ANKRD30A: variants seen among roughly 807,000 people sequenced by gnomAD.
The protein encoded by ANKRD30A is ankyrin repeat domain-containing protein 30A.
A neutral mutation model predicts 166.3 loss-of-function variants in ANKRD30A; 170 were observed. That is an observed-to-expected ratio of 1.02 (90% CI 0.90 to 1.16). ANKRD30A has a LOEUF of 1.16. Ranked by LOEUF, ANKRD30A falls within the 50% of genes most tolerant of loss-of-function variation. The pLI is 0.00. For missense variants in ANKRD30A, 1,630 were observed against 1,518.0 expected (o/e 1.07, Z -1.23); for synonymous variants, 564 against 508.9 (o/e 1.11, Z -1.46).
At chr10:37,191,351 G>A (rs1419577568) in intron 25 of ANKRD30A, among the ~76,000 whole-genome samples, 1 of 151,914 alleles carries the variant, frequency 6.6e-6, no homozygotes, top group Non-Finnish European at 1.5e-5. Context: ...TTTTTCTGAT[G>A]AGATGTCAAT....
chr10:37,165,042 T>G (rs374690824), intron 17 of ANKRD30A, 52 bp from the exon 18 acceptor site: 8 of 1,551,156 alleles, frequency 5.2e-6, no homozygotes, highest in East Asian at 4.5e-5. Context: ...GTTTTTAAAA[T>G]TTTTAGTAGA....
intron 34 of ANKRD30A, among the ~76,000 whole-genome samples, chr10:37,223,176 A>T (rs1381277711): frequency 6.6e-6 from 1 of 151,286 alleles, no homozygotes; most frequent in Middle Eastern, 3.2e-3. Flanking sequence ...TAGAATAGGG[A>T]TTTTCAACCC....
At chr10:37,191,003 A>C (rs1215459525) in intron 25 of ANKRD30A, among the ~76,000 whole-genome samples, 1 of 151,914 alleles carries the variant, frequency 6.6e-6, no homozygotes, top group African/African-American at 2.4e-5. Flanking sequence ...TAATTTTAAA[A>C]ACCATAAAAC....
chr10:37,179,051 TATATATATATATA>T (rs1839981610), intron 24 of ANKRD30A, among the ~76,000 whole-genome samples: 35 of 140,864 alleles, frequency 2.5e-4, no homozygotes, highest in African/African-American at 9.4e-4. Flanking sequence ...TATATATATA[TATATATATATATA>T]GATGTGTGCA....
intron 18 of ANKRD30A, among the ~76,000 whole-genome samples, chr10:37,166,261 G>T (rs1389115598): frequency 6.6e-6 from 1 of 152,152 alleles, no homozygotes; most frequent in Non-Finnish European, 1.5e-5. Context: ...TGTTTGAAAT[G>T]TCTTATTTAT....
chr10:37,210,112 C>G (rs944867996), intron 31 of ANKRD30A, among the ~76,000 whole-genome samples: 3 of 152,014 alleles, frequency 2.0e-5, no homozygotes, highest in Admixed American at 6.6e-5. Flanking sequence ...ACCCCTCCCC[C>G]AGCCCCTCAT....
intron 24 of ANKRD30A, among the ~76,000 whole-genome samples, chr10:37,179,309 G>T (rs1167839997): frequency 1.3e-5 from 2 of 150,792 alleles, no homozygotes; most frequent in Non-Finnish European, 3.0e-5. Flanking sequence ...TTTTAACGTA[G>T]AAAATGTTAT....
downstream of ANKRD30A, among the ~76,000 whole-genome samples, chr10:37,236,350 C>T (rs1843675067): frequency 6.6e-6 from 1 of 152,154 alleles, no homozygotes; most frequent in African/African-American, 2.4e-5. Flanking sequence ...AGCTTCTGAA[C>T]ATTTCTTCTC....
the ANKRD30A span, among the ~76,000 whole-genome samples, chr10:37,244,741 C>A: frequency 1.3e-5 from 2 of 152,186 alleles, no homozygotes; most frequent in South Asian, 4.1e-4. Flanking sequence ...CTAGGCTGTC[C>A]TTCTCCATCT....
Position 37,158,558 on chromosome 10 carries a change from A to C in ANKRD30A, c.1872A>C (p.Glu624Asp). Residue 624 changes from glutamate to aspartate, a missense_variant, in exon 15 of 36, where the codon GAA (glutamate) becomes GAC (aspartate). This residue lies in a region of ANKRD30A where 904 missense variants were observed against 818.5 expected (regional missense o/e 1.10). Transcript: ENST00000361713. ...TTTCTATTCCAACTAAAGCCTTAGA[A>C]TTGAAGGACATGCAAACTTTCAAAG... Reference protein sequence around the residue: ...MKVSIPTKALELKDMQTFKAE... With the variant: ...MKVSIPTKALDLKDMQTFKAE... 6.2e-7 allele frequency: 1 copy of C among 1,613,446 alleles called. No individual in the cohort carries two copies. Among genetic ancestry groups the C allele is most frequent in the South Asian group, 1.1e-5 (1 of 90,872 alleles).
At position 37,165,139 on chromosome 10, in the gene ANKRD30A, A is replaced by T. The variant is rs538552925; in HGVS notation, c.2048A>T (p.Asn683Ile). Residue 683 changes from asparagine (N) to isoleucine (I), a missense_variant, in exon 18 of 36, where the codon AAT (asparagine) becomes ATT (isoleucine). This residue lies in a region of ANKRD30A where 904 missense variants were observed against 818.5 expected (regional missense o/e 1.10). Coordinates refer to ENST00000361713, the MANE Select transcript of ANKRD30A (RefSeq NM_052997.3). ...SESKQKDYEENSWDTESLCET... is the reference protein window; with the variant it reads ...SESKQKDYEEISWDTESLCET... ...TCCAAACAAAAGGACTATGAAGAAA[A>T]TTCTTGGGATACTGAGGTACTGTGT... 1.2e-6 allele frequency: 2 copies of T among 1,606,780 alleles called. No homozygotes were observed. The highest frequency in any genetic ancestry group is 1.1e-5 in the South Asian group (1 of 90,952).
chr10:37,160,259 A>G (rs1364691332), intron 15 of ANKRD30A, among the ~76,000 whole-genome samples: 2 of 152,206 alleles, frequency 1.3e-5, no homozygotes, highest in African/African-American at 4.8e-5. Flanking sequence ...ACTGTTAGAA[A>G]TTAAAATGAA....
intron 34 of ANKRD30A, among the ~76,000 whole-genome samples, chr10:37,225,034 TA>T (rs1843080446): frequency 6.6e-6 from 1 of 151,500 alleles, no homozygotes; most frequent in South Asian, 2.1e-4. Flanking sequence ...TCGTATTTAA[TA>T]ATACGCTAGT....
At chr10:37,229,208 A>G (rs922412440) in intron 34 of ANKRD30A, among the ~76,000 whole-genome samples, 3 of 152,020 alleles carry the variant, frequency 2.0e-5, no homozygotes, top group African/African-American at 7.2e-5. Context: ...ACATTAGTTT[A>G]GAAAAGGCTC....
At chr10:37,226,425 G>T (rs1364239550) in intron 34 of ANKRD30A, among the ~76,000 whole-genome samples, 2 of 151,288 alleles carry the variant, frequency 1.3e-5, no homozygotes, top group African/African-American at 4.9e-5. Flanking sequence ...ATGGCAAATT[G>T]GATAAAGAGT....
In ANKRD30A at chr10:37,197,428, G is replaced by A. The variant is rs766046581; in HGVS notation, c.2664G>A (p.Lys888=). ...SAFEPAIEMQ[K]SVPNKALELK... ...TTTAGCCTGCCATTGAAATGCAAAA[G>A]TCTGTTCCAAATAAAGCCTTGGAAT... The change falls in exon 29 of 36, where the codon AAG becomes AAA. Residue 888 remains lysine, a synonymous_variant. Transcript: ENST00000361713. 1.2e-6 allele frequency: 2 copies of A among 1,612,558 alleles called. No individual in the cohort carries two copies. Among genetic ancestry groups the A allele is most frequent in the Non-Finnish European group, 1.7e-6 (2 of 1,179,682 alleles).
At chr10:37,162,870 T>G in intron 17 of ANKRD30A, 22 bp downstream of exon 17, 1 of 1,607,154 alleles carries the variant, frequency 6.2e-7, no homozygotes, top group Non-Finnish European at 8.5e-7. Flanking sequence ...AATGTAACTA[T>G]GGAAAGACCA....
At chr10:37,179,897 T>G (rs1679785230) in intron 24 of ANKRD30A, among the ~76,000 whole-genome samples, 1 of 42,920 alleles carries the variant, frequency 2.3e-5, no homozygotes, top group East Asian at 3.6e-4. Flanking sequence ...GGTTGTACAA[T>G]GTTGTTGTCA....
chr10:37,203,614 T>G (rs529149498), intron 31 of ANKRD30A, among the ~76,000 whole-genome samples: 4 of 152,158 alleles, frequency 2.6e-5, no homozygotes, highest in Non-Finnish European at 5.9e-5. Flanking sequence ...CTATTCAACA[T>G]AGTGTTGGAA....
Sources: gnomAD v4.1 joint callset for allele counts (sites outside exome capture counted in the v4.1 genomes callset) on GRCh38, gnomAD v4.1.1 for gene constraint, gnomAD v4.1.1 regional missense constraint, MANE v1.5 for transcripts, NCBI Gene and HGNC (gene_info 2026-07-23, HGNC 2026-07-21) for gene names.